The following SLC35F4 variants were observed in gnomAD, a reference collection of about 807,000 sequenced individuals.
SLC35F4 encodes the protein chromosome 14 open reading frame 36.
A neutral mutation model predicts 44.2 loss-of-function variants in SLC35F4; 24 were observed. That is an observed-to-expected ratio of 0.54 (90% CI 0.39 to 0.76). SLC35F4 has a LOEUF of 0.76. Ranked by LOEUF, SLC35F4 falls within the 30% of genes least tolerant of loss-of-function variation. The pLI is 0.00. For synonymous variants in SLC35F4, 238 were observed against 223.6 expected (o/e 1.06, Z -0.57); for missense variants, 562 against 586.1 (o/e 0.96, Z 0.42).
At chr14:57,602,757 T>C (rs1244280316) in intron 1 of SLC35F4, among the ~76,000 whole-genome samples, 1 of 152,182 alleles carries the variant, frequency 6.6e-6, no homozygotes, top group Non-Finnish European at 1.5e-5. Flanking sequence ...ATTCATATAC[T>C]AAAGAAGTGG....
chr14:57,796,432 T>G (rs1318245262), intron 1 of SLC35F4, among the ~76,000 whole-genome samples: 1 of 152,220 alleles, frequency 6.6e-6, no homozygotes, highest in Non-Finnish European at 1.5e-5. Flanking sequence ...ATCTGACCTG[T>G]GAATTAAAAT....
rs528696926 is a variant in SLC35F4, at chr14:57,937,481, G to C, written n.282+44432C>G. Among the ~76,000 whole-genome samples, 8 of 150,670 alleles carry C rather than the reference G, an allele frequency of 5.3e-5. No individual in the cohort carries two copies. The East Asian group carries it at 1.2e-3, about 22-fold the overall frequency. On this transcript the variant is annotated intron_variant and non_coding_transcript_variant, in intron 1 of 1. Transcript: ENST00000556568. Reference sequence around the variant, plus strand: ...CAGATGGAAAGTCAGGAGATAAAGAGGTCATAATAATAGGTTATCATAATA... The same window carrying C: ...CAGATGGAAAGTCAGGAGATAAAGACGTCATAATAATAGGTTATCATAATA...
At chr14:57,728,478 T>C (rs1283755715) in intron 1 of SLC35F4, among the ~76,000 whole-genome samples, 1 of 115,682 alleles carries the variant, frequency 8.6e-6, no homozygotes, top group Non-Finnish European at 1.7e-5. Context: ...AGATGGAGTC[T>C]CACTCTGTCA....
At chr14:57,773,049 T>C (rs1234931114) in intron 1 of SLC35F4, among the ~76,000 whole-genome samples, 1 of 152,204 alleles carries the variant, frequency 6.6e-6, no homozygotes, top group Non-Finnish European at 1.5e-5. Context: ...TAGTAACCAT[T>C]ATGACTGAGG....
intron 1 of SLC35F4, among the ~76,000 whole-genome samples, chr14:57,649,022 C>A (rs2073667950): frequency 6.6e-6 from 1 of 152,134 alleles, no homozygotes; most frequent in Admixed American, 6.5e-5. Context: ...CTTTGTCTGC[C>A]TACCTATTTC....
At chr14:57,894,778 C>T (rs559960361) in intron 1 of SLC35F4, among the ~76,000 whole-genome samples, 4 of 152,060 alleles carry the variant, frequency 2.6e-5, no homozygotes, top group South Asian at 2.1e-4. Context: ...GGCATGGTTG[C>T]ACTTGGTAAA....
chr14:57,632,350 A>T (rs1399948737), intron 1 of SLC35F4, among the ~76,000 whole-genome samples: 1 of 152,096 alleles, frequency 6.6e-6, no homozygotes, highest in African/African-American at 2.4e-5. Context: ...TAAATCAAGC[A>T]AACATGTTAT....
chr14:57,600,489 G>A (rs993925237), intron 1 of SLC35F4, among the ~76,000 whole-genome samples: 11 of 150,462 alleles, frequency 7.3e-5, no homozygotes, highest in Non-Finnish European at 1.6e-4. Flanking sequence ...TCAGGAGATC[G>A]AGACCATCCC....
chr14:57,854,369 T>C (rs549616146), intron 1 of SLC35F4, among the ~76,000 whole-genome samples: 1 of 152,268 alleles, frequency 6.6e-6, no homozygotes, highest in Non-Finnish European at 1.5e-5. Flanking sequence ...TGTAAATACG[T>C]TTGTAACATA....
intron 1 of SLC35F4, among the ~76,000 whole-genome samples, chr14:57,892,525 C>A (rs1442939824): frequency 6.6e-6 from 1 of 152,190 alleles, no homozygotes; most frequent in African/African-American, 2.4e-5. Context: ...CTGCAGCTCC[C>A]AGAACCACTT....
chr14:57,901,183 G>T (rs1477744189), intron 1 of SLC35F4, among the ~76,000 whole-genome samples: 2 of 152,088 alleles, frequency 1.3e-5, no homozygotes, highest in African/African-American at 4.8e-5. Flanking sequence ...TATATCCAAA[G>T]GATTAGAAAT....
At chr14:57,722,031 C>T (rs1043375544) in intron 1 of SLC35F4, among the ~76,000 whole-genome samples, 3 of 152,026 alleles carry the variant, frequency 2.0e-5, no homozygotes, top group Admixed American at 1.3e-4. Context: ...GAGAGTGTGA[C>T]CCATGAGGAG....
At chr14:57,949,422 TA>T (rs2141079178) in intron 1 of SLC35F4, among the ~76,000 whole-genome samples, 1 of 152,294 alleles carries the variant, frequency 6.6e-6, no homozygotes, top group East Asian at 1.9e-4. Flanking sequence ...TGGGAGTTCA[TA>T]TTCATTAGGT....
intron 1 of SLC35F4, among the ~76,000 whole-genome samples, chr14:57,822,806 T>C (rs893433875): frequency 6.6e-6 from 1 of 152,172 alleles, no homozygotes; most frequent in Non-Finnish European, 1.5e-5. Flanking sequence ...TCAATTTTTT[T>C]CTCCACCACT....
At chr14:57,711,117 G>A (rs1471435060) in intron 1 of SLC35F4, among the ~76,000 whole-genome samples, 1 of 152,160 alleles carries the variant, frequency 6.6e-6, no homozygotes, top group African/African-American at 2.4e-5. Context: ...CCAGTGGGTA[G>A]TGATTGGATC....
Position 57,589,197 on chromosome 14 carries a change from C to T in SLC35F4, c.587+19G>A, listed in dbSNP as rs1566653109. On this transcript the variant is annotated intron_variant, in intron 3 of 7. Transcript: ENST00000556826. ...AACATTTCAATGATCTCTTATTGGG[C>T]AGTTAACATGAAACCTACCTGAATT... The T allele has an allele frequency of 6.3e-7, 1 of 1,581,484 alleles. No individual in the cohort carries two copies. Among genetic ancestry groups the T allele is most frequent in the East Asian group, 2.2e-5 (1 of 44,582 alleles).
intron 1 of SLC35F4, among the ~76,000 whole-genome samples, chr14:57,907,084 T>G (rs8017747): frequency 6.6e-6 from 1 of 152,152 alleles, no homozygotes; most frequent in South Asian, 2.1e-4. Flanking sequence ...TTGCAAGATT[T>G]ATTTATTTGA....
chr14:57,812,684 A>G (rs1035469866), intron 1 of SLC35F4, among the ~76,000 whole-genome samples: 8 of 152,110 alleles, frequency 5.3e-5, no homozygotes, highest in African/African-American at 1.7e-4. Flanking sequence ...TAACCTCAGC[A>G]TCATCATCTA....
chr14:57,697,147 A>T (rs1004190231), intron 1 of SLC35F4, among the ~76,000 whole-genome samples: 1 of 152,134 alleles, frequency 6.6e-6, no homozygotes, highest in Non-Finnish European at 1.5e-5. Context: ...TTCATCCTAC[A>T]AATTTTGATA....
Sources: gnomAD v4.1 joint callset for allele counts (sites outside exome capture counted in the v4.1 genomes callset) on GRCh38, gnomAD v4.1.1 for gene constraint, MANE v1.5 for transcripts, NCBI Gene and HGNC (gene_info 2026-07-23, HGNC 2026-07-21) for gene names.